The following SYN3 variants were observed in gnomAD, a reference collection of about 807,000 sequenced individuals.
SYN3 encodes synapsin III.
A neutral mutation model predicts 65.8 loss-of-function variants in SYN3; 35 were observed. The observed-to-expected ratio is 0.53, with a 90% CI of 0.41 to 0.70. The LOEUF is 0.70. Among genes scored for constraint, SYN3 ranks in the 30% least tolerant of loss-of-function variants. The pLI is 0.00. For missense variants in SYN3, 680 were observed against 749.0 expected, an observed-to-expected ratio of 0.91 and a Z score of 1.08; for synonymous variants, 270 against 292.9, an observed-to-expected ratio of 0.92 and a Z score of 0.80.
intron 4 of SYN3, among the ~76,000 whole-genome samples, chr22:32,922,495 T>C (rs1393423961): frequency 6.6e-6 from 1 of 152,216 alleles, no homozygotes; most frequent in Non-Finnish European, 1.5e-5. Flanking sequence ...GAATTTTGTA[T>C]GTGCAATTCA....
chr22:32,950,211 AG>A (rs953326363), intron 3 of SYN3, among the ~76,000 whole-genome samples: 1 of 152,238 alleles, frequency 6.6e-6, no homozygotes, highest in African/African-American at 2.4e-5. Context: ...CTAAGTTCAC[AG>A]GAAAAAGTCA....
chr22:33,043,510 T>C (rs919871922), intron 1 of SYN3, among the ~76,000 whole-genome samples: 5 of 152,044 alleles, frequency 3.3e-5, no homozygotes, highest in African/African-American at 1.2e-4. Context: ...ATCACGCCAT[T>C]GCACTCCAGC....
Position 32,528,821 on chromosome 22 carries a change from C to G in SYN3, c.1230+53G>C. 1.9e-6 allele frequency: 3 copies of G among 1,609,190 alleles called. No homozygotes were observed. In the South Asian group the frequency reaches 3.3e-5, roughly 18 times the overall value. ...GATCCAGGGGCTCCCCATTTCCAGA[C>G]AGCCTGGCATTTCTCATGGCTATAA... On this transcript the variant is annotated intron_variant, in intron 11 of 13. Transcript: ENST00000358763.
At position 32,614,241 on chromosome 22, in the gene SYN3, C is replaced by T. The variant is rs1436645433; in HGVS notation, c.712-17505G>A. Among the ~76,000 whole-genome samples, 3 of 152,218 alleles carry T rather than the reference C, an allele frequency of 2.0e-5. No homozygotes were observed. In the East Asian group the frequency reaches 5.8e-4, roughly 29 times the overall value. On this transcript the variant is annotated intron_variant, in intron 6 of 13. Transcript: ENST00000358763. ...TGACATCTGACAGGAGGAATCTGGG[C>T]TTCCGTGGTAGAGGCTGGCAGGGGT... is the stretch of plus-strand genomic sequence containing the variant.
At chr22:32,638,967 T>C (rs2059857386) in intron 6 of SYN3, among the ~76,000 whole-genome samples, 1 of 152,174 alleles carries the variant, frequency 6.6e-6, no homozygotes, top group African/African-American at 2.4e-5. Context: ...GAAATCTTTT[T>C]TTTTGAGACA....
At chr22:32,526,250 C>G (rs2057974515) in intron 12 of SYN3, among the ~76,000 whole-genome samples, 1 of 152,130 alleles carries the variant, frequency 6.6e-6, no homozygotes. Context: ...CCAGCAATAT[C>G]TCTGAGGTAT....
rs183974348 is a variant in SYN3 at position 32,765,371 on chromosome 22, C to T, written c.711+99544G>A. ...GGTCTCTGCAGCTTCTCACTCCTCC[C>T]GGGATATCTCTGGCCAAGTCCTTGA... On this transcript the variant is annotated intron_variant, in intron 6 of 13. Coordinates refer to ENST00000358763, the MANE Select transcript of SYN3 (RefSeq NM_003490.4). 1.3e-4 allele frequency among the ~76,000 whole-genome samples: 20 copies of T among 152,298 alleles called. No homozygotes were observed. The East Asian group carries it at 2.7e-3, about 21-fold the overall frequency.
In SYN3 at chr22:32,509,483, G is replaced by A. The variant is rs8142308; in HGVS notation, c.*4209C>T. ...GGAACAGGTACTAGTCTATGTGACAGAACAGACTATTTTAGGGTCGCCATG... is the reference window on the plus strand; with the variant it reads ...GGAACAGGTACTAGTCTATGTGACAAAACAGACTATTTTAGGGTCGCCATG... On this transcript the variant is annotated 3_prime_UTR_variant, in exon 14 of 14. Coordinates refer to ENST00000358763, the MANE Select transcript of SYN3 (RefSeq NM_003490.4). Among the ~76,000 whole-genome samples, 30,643 of 152,076 alleles carry A rather than the reference G, an allele frequency of 0.2. 2,997 individuals are homozygous for A. The highest frequency in any genetic ancestry group is 0.22 in the Admixed American group (3,308 of 15,286).
chr22:32,995,079 G>A (rs756618599), intron 2 of SYN3, among the ~76,000 whole-genome samples: 3 of 152,138 alleles, frequency 2.0e-5, no homozygotes, highest in Non-Finnish European at 4.4e-5. Context: ...TACCCAGGCC[G>A]TCTGGCTCTG....
At chr22:32,748,588 C>A (rs1405994389) in intron 6 of SYN3, among the ~76,000 whole-genome samples, 1 of 152,124 alleles carries the variant, frequency 6.6e-6, no homozygotes, top group Non-Finnish European at 1.5e-5. Flanking sequence ...TGCATCCAGC[C>A]AAAATTTAGA....
chr22:32,724,429 C>G (rs559658794), intron 6 of SYN3, among the ~76,000 whole-genome samples: 1 of 152,220 alleles, frequency 6.6e-6, no homozygotes, highest in African/African-American at 2.4e-5. Flanking sequence ...AACAAAGACT[C>G]TGCCTATTCC....
chr22:33,017,960 A>C (rs1386910858), intron 1 of SYN3, among the ~76,000 whole-genome samples: 1 of 152,242 alleles, frequency 6.6e-6, no homozygotes, highest in Non-Finnish European at 1.5e-5. Context: ...CAGCTCCATC[A>C]GGAAGTTAGA....
At chr22:32,756,309 T>C (rs1290023374) in intron 6 of SYN3, among the ~76,000 whole-genome samples, 2 of 151,820 alleles carry the variant, frequency 1.3e-5, no homozygotes, top group Non-Finnish European at 2.9e-5. Flanking sequence ...CATTAGGAGA[T>C]ATACCTAATG....
chr22:32,567,555 G>C (rs973307018), intron 7 of SYN3, among the ~76,000 whole-genome samples: 1 of 152,090 alleles, frequency 6.6e-6, no homozygotes, highest in Non-Finnish European at 1.5e-5. Context: ...GTTATGTATT[G>C]GGCCTCAGAA....
rs569827041 is a variant in SYN3 at position 32,770,104 on chromosome 22, C to T, written c.711+94811G>A. On this transcript the variant is annotated intron_variant, in intron 6 of 13. Transcript: ENST00000358763. ...GCAGCTCCTTTCATTTGCTCAGCCC[C>T]GAAACCTTGGAGTCACCCTTAACTT... Among the ~76,000 whole-genome samples, 6 of 152,140 alleles carry T rather than the reference C, an allele frequency of 3.9e-5. 1 individual carries two copies. The highest frequency in any genetic ancestry group is 3.3e-4 in the Admixed American group (5 of 15,274).
At chr22:32,849,314 C>T in intron 6 of SYN3, 1 of 726,554 alleles carries the variant, frequency 1.4e-6, no homozygotes, top group Non-Finnish European at 2.5e-6. Flanking sequence ...CTTGTAAACA[C>T]AATCATCTAT....
intron 6 of SYN3, among the ~76,000 whole-genome samples, chr22:32,844,238 G>T (rs1216265448): frequency 6.6e-6 from 1 of 152,144 alleles, no homozygotes; most frequent in Non-Finnish European, 1.5e-5. Flanking sequence ...AGGGAGGGCA[G>T]CTCAAGGGTA....
At chr22:32,656,717 TTTTG>T (rs1331921411) in intron 6 of SYN3, among the ~76,000 whole-genome samples, 1 of 152,174 alleles carries the variant, frequency 6.6e-6, no homozygotes, top group Non-Finnish European at 1.5e-5. Flanking sequence ...TGTTTTGTTT[TTTTG>T]TTTGTTTTTT....
intron 3 of SYN3, among the ~76,000 whole-genome samples, chr22:32,944,316 T>C (rs940815815): frequency 3.9e-5 from 6 of 152,138 alleles, no homozygotes; most frequent in Non-Finnish European, 8.8e-5. Flanking sequence ...CTCAACTACA[T>C]GGAAACTGAA....
Sources: gnomAD v4.1 joint callset for allele counts (sites outside exome capture counted in the v4.1 genomes callset) on GRCh38, gnomAD v4.1.1 for gene constraint, MANE v1.5 for transcripts, NCBI Gene and HGNC (gene_info 2026-07-23, HGNC 2026-07-21) for gene names.